INTS15: variants seen among roughly 807,000 people sequenced by gnomAD.
The protein encoded by INTS15 is uncharacterized protein C7orf26.
the INTS15 span, chr7:6,607,678 G>C: frequency 6.6e-7 from 1 of 1,518,902 alleles, no homozygotes; most frequent in South Asian, 1.2e-5. The surrounding 1 kb of genome is among the most constrained non-coding windows in gnomAD (Gnocchi z 6.0). Context: ...AGCCGCAGAG[G>C]CTGACGTGGA....
chr7:6,590,564 G>A, the INTS15 span: 1 of 1,403,800 alleles, frequency 7.1e-7, no homozygotes, highest in South Asian at 1.6e-5. Context: ...CAAGCCGCGG[G>A]CGCCCCATGT....
the INTS15 span, among the ~76,000 whole-genome samples, chr7:6,595,585 C>T: frequency 6.6e-6 from 1 of 152,182 alleles, no homozygotes; most frequent in Admixed American, 6.6e-5. Flanking sequence ...GTCCAAGTGG[C>T]AGGCAGCCCA....
the INTS15 span, among the ~76,000 whole-genome samples, chr7:6,600,762 A>G: frequency 3.3e-5 from 5 of 152,108 alleles, no homozygotes; most frequent in South Asian, 4.1e-4. Context: ...GGTTTAAGCA[A>G]TCATCGTGCA....
chr7:6,605,840 A>G, the INTS15 span, among the ~76,000 whole-genome samples: 4 of 152,150 alleles, frequency 2.6e-5, no homozygotes, highest in Admixed American at 2.6e-4. Flanking sequence ...CTGGGATTAC[A>G]GACAACTGCC....
chr7:6,593,676 T>C, the INTS15 span, among the ~76,000 whole-genome samples: 1 of 149,140 alleles, frequency 6.7e-6, no homozygotes, highest in Non-Finnish European at 1.5e-5. Context: ...TGAGACGGTC[T>C]TGCTCTGTTG....
chr7:6,599,689 AAAT>A, the INTS15 span: 2 of 797,228 alleles, frequency 2.5e-6, no homozygotes, highest in African/African-American at 3.4e-5. Flanking sequence ...AGGGGACAGA[AAAT>A]AGCTAAGCCA....
At chr7:6,608,252 A>G in the INTS15 span, 2 of 1,503,194 alleles carry the variant, frequency 1.3e-6, no homozygotes, top group East Asian at 5.0e-5. Context: ...ACCTCGGGGA[A>G]GGGGTCGGGC....
At chr7:6,590,751 A>G in the INTS15 span, among the ~76,000 whole-genome samples, 1 of 151,934 alleles carries the variant, frequency 6.6e-6, no homozygotes, top group Non-Finnish European at 1.5e-5. Flanking sequence ...TTGGGCTGTT[A>G]CCGAAAGGCT....
the INTS15 span, chr7:6,591,830 G>A: frequency 5.0e-6 from 8 of 1,613,940 alleles, no homozygotes; most frequent in East Asian, 8.9e-5. Context: ...GCTGTGTGTC[G>A]AATCCCGGTG....
the INTS15 span, among the ~76,000 whole-genome samples, chr7:6,593,329 GTTT>G: frequency 5.4e-5 from 7 of 130,810 alleles, no homozygotes; most frequent in Middle Eastern, 3.5e-3. Context: ...CTGTGCGGTG[GTTT>G]TTTTTTTTTT....
At chr7:6,606,725 G>A in the INTS15 span, among the ~76,000 whole-genome samples, 1 of 149,992 alleles carries the variant, frequency 6.7e-6, no homozygotes, top group Non-Finnish European at 1.5e-5. Context: ...TTGAGACAGG[G>A]ACTCACACTG....
chr7:6,590,591 C>A, the INTS15 span: 2 of 1,393,440 alleles, frequency 1.4e-6, no homozygotes. Context: ...TCCCCGCGCT[C>A]GCGCTCGGCC....
At chr7:6,606,238 T>C in the INTS15 span, among the ~76,000 whole-genome samples, 12 of 152,330 alleles carry the variant, frequency 7.9e-5, no homozygotes, top group South Asian at 8.3e-4. Flanking sequence ...AGAAGAACTT[T>C]GGGCACCGAA....
At chr7:6,608,142 C>T in the INTS15 span, 1 of 1,555,096 alleles carries the variant, frequency 6.4e-7, no homozygotes, top group Non-Finnish European at 8.7e-7. Flanking sequence ...GTGACCTTTC[C>T]CTTCAGGCCC....
chr7:6,590,291 A>G, the INTS15 span: 2 of 1,566,034 alleles, frequency 1.3e-6, no homozygotes, highest in Non-Finnish European at 1.7e-6. Context: ...ACCATGAGCG[A>G]CATCCGCCAC....
the INTS15 span, chr7:6,590,415 C>A: frequency 4.4e-6 from 7 of 1,604,606 alleles, no homozygotes; most frequent in East Asian, 2.2e-5. Context: ...ACAAGGGCCC[C>A]GTGGAGCTGC....
the INTS15 span, among the ~76,000 whole-genome samples, chr7:6,593,324 C>T: frequency 1.4e-5 from 2 of 141,708 alleles, no homozygotes; most frequent in African/African-American, 5.3e-5. Context: ...TTGGTCTGTG[C>T]GGTGGTTTTT....
chr7:6,591,971 A>C, the INTS15 span: 1 of 994,890 alleles, frequency 1.0e-6, no homozygotes, highest in Non-Finnish European at 1.5e-6. Context: ...CAGGGGTTCA[A>C]GACCAGCCTG....
the INTS15 span, chr7:6,591,750 C>G: frequency 6.2e-7 from 1 of 1,614,148 alleles, no homozygotes; most frequent in Non-Finnish European, 8.5e-7. Flanking sequence ...CATCCCTTTT[C>G]AGCCCTCAAG....
Sources: gnomAD v4.1 joint callset for allele counts (sites outside exome capture counted in the v4.1 genomes callset) on GRCh38, gnomAD v4.1.1 for gene constraint, Gnocchi (gnomAD v3.1) non-coding constraint, MANE v1.5 for transcripts, NCBI Gene and HGNC (gene_info 2026-07-23, HGNC 2026-07-21) for gene names.